Variants in SMYD3 observed in about 807,000 individuals in gnomAD.
SMYD3 encodes the protein SET and MYND domain containing 3.
In SMYD3, 36 loss-of-function variants were observed where a neutral mutation model predicts 57.7. The observed-to-expected ratio is 0.62, with a 90% CI of 0.48 to 0.82. SMYD3 has a LOEUF of 0.82. Among genes scored for constraint, SMYD3 ranks in the 40% least tolerant of loss-of-function variants. The pLI is 0.00. For synonymous variants in SMYD3, 211 were observed against 195.0 expected (o/e 1.08, Z -0.68); for missense variants, 515 against 538.8 (o/e 0.96, Z 0.44).
intron 1 of SMYD3, among the ~76,000 whole-genome samples, chr1:246,404,896 T>C (rs1364548892): frequency 6.6e-6 from 1 of 152,166 alleles, no homozygotes; most frequent in East Asian, 1.9e-4. Flanking sequence ...TAGACACTAA[T>C]CCACTTTTTT....
intron 1 of SMYD3, among the ~76,000 whole-genome samples, chr1:246,500,465 G>C (rs1016936943): frequency 6.6e-6 from 1 of 152,190 alleles, no homozygotes; most frequent in Non-Finnish European, 1.5e-5. Context: ...ACACAGGGAA[G>C]ACAAATCCAA....
intron 2 of SMYD3, among the ~76,000 whole-genome samples, chr1:246,352,454 G>C (rs1325640376): frequency 6.6e-6 from 1 of 152,090 alleles, no homozygotes; most frequent in Non-Finnish European, 1.5e-5. Context: ...TAGTTTTGTG[G>C]GTATCCACAA....
At chr1:246,276,598 A>G (rs11487715) in intron 5 of SMYD3, among the ~76,000 whole-genome samples, 50,740 of 139,540 alleles carry the variant, frequency 0.36, 9,390 homozygotes, top group East Asian at 0.74. Context: ...CACTAACTCC[A>G]TTTTTTCACT....
chr1:245,831,781 G>C (rs1446466381), intron 10 of SMYD3, among the ~76,000 whole-genome samples: 1 of 152,170 alleles, frequency 6.6e-6, no homozygotes, highest in Non-Finnish European at 1.5e-5. Flanking sequence ...CAGGTTTTGT[G>C]GCCACCCCTC....
chr1:246,248,113 G>A (rs540782856), intron 5 of SMYD3, among the ~76,000 whole-genome samples: 230 of 152,304 alleles, frequency 1.5e-3, no homozygotes, highest in Non-Finnish European at 2.5e-3. Context: ...TGGAGTAAAA[G>A]GTTCGGATAC....
intron 10 of SMYD3, among the ~76,000 whole-genome samples, chr1:245,774,864 C>T (rs1268716270): frequency 3.9e-5 from 6 of 152,186 alleles, no homozygotes; most frequent in African/African-American, 4.8e-5. Flanking sequence ...CCACGCCTGA[C>T]GGGTTTTCGT....
chr1:246,269,543 C>CTTTTTTTTTTTTTTCTT (rs570972296), intron 5 of SMYD3, among the ~76,000 whole-genome samples: 1 of 135,222 alleles, frequency 7.4e-6, no homozygotes, highest in Non-Finnish European at 1.6e-5. Flanking sequence ...CTTTTTTTTT[C>CTTTTTTTTTTTTTTCTT]TTTTTTTTTT....
intron 5 of SMYD3, among the ~76,000 whole-genome samples, chr1:246,139,576 C>A (rs971017049): frequency 6.6e-6 from 1 of 152,102 alleles, no homozygotes. Flanking sequence ...CATAAGCATT[C>A]AAGAAGCTGA....
chr1:245,926,951 C>T (rs937775769), intron 7 of SMYD3, among the ~76,000 whole-genome samples: 6 of 152,162 alleles, frequency 3.9e-5, no homozygotes, highest in South Asian at 2.1e-4. Flanking sequence ...GGAAATTTAG[C>T]GAGTAGTTGT....
chr1:246,194,399 G>T (rs1487929936), intron 5 of SMYD3, among the ~76,000 whole-genome samples: 1 of 152,052 alleles, frequency 6.6e-6, no homozygotes, highest in African/African-American at 2.4e-5. Context: ...CTCCCGAGTA[G>T]CTGGGACTAC....
chr1:246,105,638 A>C (rs1022824873), intron 5 of SMYD3, among the ~76,000 whole-genome samples: 2 of 152,224 alleles, frequency 1.3e-5, no homozygotes, highest in Non-Finnish European at 2.9e-5. Flanking sequence ...CAGACAACGG[A>C]TTTATTGCTA....
chr1:246,296,455 T>C (rs2064796925), intron 5 of SMYD3, among the ~76,000 whole-genome samples: 2 of 152,216 alleles, frequency 1.3e-5, no homozygotes, highest in African/African-American at 4.8e-5. Flanking sequence ...CCTACATTCA[T>C]GACAGAAGAA....
At chr1:246,260,156 T>C (rs988397374) in intron 5 of SMYD3, among the ~76,000 whole-genome samples, 2 of 152,120 alleles carry the variant, frequency 1.3e-5, no homozygotes, top group African/African-American at 2.4e-5. Context: ...CCAAGTAAGC[T>C]TGTGCTCCAA....
intron 1 of SMYD3, among the ~76,000 whole-genome samples, chr1:246,418,733 C>G (rs961411486): frequency 1.3e-5 from 2 of 152,126 alleles, no homozygotes; most frequent in Non-Finnish European, 2.9e-5. Flanking sequence ...CTCCTCCAAC[C>G]GTCCCAGCCA....
chr1:246,316,378 T>TGA (rs752177303), intron 5 of SMYD3, among the ~76,000 whole-genome samples: 30 of 148,970 alleles, frequency 2.0e-4, no homozygotes, highest in Non-Finnish European at 3.6e-4. Flanking sequence ...TTTTTTTTTT[T>TGA]GAGAGAGTTT....
chr1:246,188,143 G>A (rs927205560), intron 5 of SMYD3, among the ~76,000 whole-genome samples: 3 of 152,200 alleles, frequency 2.0e-5, no homozygotes, highest in African/African-American at 7.2e-5. Flanking sequence ...TGCATAGGAA[G>A]TCAAACTACT....
At chr1:246,293,293 G>C (rs551796475) in intron 5 of SMYD3, among the ~76,000 whole-genome samples, 1 of 152,252 alleles carries the variant, frequency 6.6e-6, no homozygotes, top group African/African-American at 2.4e-5. Context: ...TCATTCGCTT[G>C]CTACCTCATC....
chr1:246,052,648 A>G (rs2060083404), intron 5 of SMYD3: 1 of 152,210 alleles, frequency 6.6e-6, no homozygotes, highest in Non-Finnish European at 1.5e-5. Context: ...ATGTCTTTAA[A>G]TATTTATCTA....
At chr1:246,292,028 A>C (rs528631898) in intron 5 of SMYD3, among the ~76,000 whole-genome samples, 1 of 152,118 alleles carries the variant, frequency 6.6e-6, no homozygotes, top group South Asian at 2.1e-4. Context: ...CCAGTACCTT[A>C]GACTTACTAT....
Sources: allele counts gnomAD v4.1 joint callset (sites outside exome capture counted in the v4.1 genomes callset), GRCh38; gene constraint gnomAD v4.1.1; transcripts MANE v1.5; gene names NCBI Gene and HGNC (gene_info 2026-07-23, HGNC 2026-07-21).